Variants in PCGF5 observed in about 807,000 individuals in gnomAD.
PCGF5 encodes polycomb group RING finger protein 5.
A neutral mutation model predicts 44.3 loss-of-function variants in PCGF5; 9 were observed. That is an observed-to-expected ratio of 0.20 (90% confidence interval 0.12 to 0.35). PCGF5 has a LOEUF of 0.35. Ranked by LOEUF, PCGF5 falls within the 10% of genes least tolerant of loss-of-function variation. The probability of loss-of-function intolerance (pLI) is 1.00; values close to 1 mark genes in which losing one functional copy is unlikely to be tolerated. For missense variants in PCGF5, 146 were observed against 305.3 expected, an observed-to-expected ratio of 0.48 and a Z score of 3.89; for synonymous variants, 95 against 102.5, an observed-to-expected ratio of 0.93 and a Z score of 0.44.
intron 8 of PCGF5, among the ~76,000 whole-genome samples, 176 bp downstream of exon 8, chr10:91,264,696 AG>A (rs1435564609): frequency 6.6e-6 from 1 of 152,158 alleles, no homozygotes; most frequent in Non-Finnish European, 1.5e-5. Context: ...TATAAAATCA[AG>A]GTCTGTGGTA....
At chr10:91,203,847 G>A (rs1470867602) in intron 1 of PCGF5, among the ~76,000 whole-genome samples, 6 of 152,084 alleles carry the variant, frequency 3.9e-5, no homozygotes, top group African/African-American at 1.4e-4. Context: ...ATATTTAAAA[G>A]TTTTAAACCT....
Position 91,178,115 on chromosome 10 carries a change from G to A in PCGF5, c.-184+15034G>A, listed in dbSNP as rs1308429162. Among the ~76,000 whole-genome samples the A allele has an allele frequency of 2.6e-5, 4 of 152,274 alleles. No individual in the cohort carries two copies. The East Asian group carries it at 7.7e-4, about 29-fold the overall frequency. ...CTGTACCAAAAGACACAGACAAAAT[G>A]TTGACCCTGGCCATAACTGACTGCA... On this transcript the variant is annotated intron_variant, in intron 1 of 9. Transcript: ENST00000614189.
chr10:91,178,498 C>T (rs1173979806), intron 1 of PCGF5, among the ~76,000 whole-genome samples: 1 of 151,412 alleles, frequency 6.6e-6, no homozygotes, highest in Non-Finnish European at 1.5e-5. Flanking sequence ...CAAGCAATAC[C>T]CCCATCACAG....
intron 1 of PCGF5, among the ~76,000 whole-genome samples, chr10:91,185,937 A>C (rs761108161): frequency 1.3e-5 from 2 of 148,842 alleles, no homozygotes; most frequent in Non-Finnish European, 2.9e-5. Context: ...TGGATGTTTC[A>C]ATTGAAAGTG....
upstream of PCGF5, among the ~76,000 whole-genome samples, chr10:91,158,871 G>A (rs1038247479): frequency 2.6e-5 from 4 of 152,126 alleles, no homozygotes; most frequent in African/African-American, 9.7e-5. Context: ...ATTTAAATTA[G>A]TAAAATTTTA....
chr10:91,186,333 A>C (rs1298369616), intron 1 of PCGF5, among the ~76,000 whole-genome samples: 3 of 152,162 alleles, frequency 2.0e-5, no homozygotes, highest in Admixed American at 6.5e-5. Context: ...TTCATAGCTC[A>C]CTAGTTGTCT....
upstream of PCGF5, among the ~76,000 whole-genome samples, chr10:91,161,553 C>G (rs756502024): frequency 6.6e-6 from 1 of 152,182 alleles, no homozygotes. Context: ...TTACTCTATT[C>G]TCTTTGATCA....
chr10:91,269,298 T>C (rs1846121088), intron 8 of PCGF5, among the ~76,000 whole-genome samples: 1 of 152,230 alleles, frequency 6.6e-6, no homozygotes, highest in African/African-American at 2.4e-5. Flanking sequence ...TATCATCTGA[T>C]CTGTCATCCA....
chr10:91,250,076 C>T (rs1845587986), intron 5 of PCGF5, among the ~76,000 whole-genome samples: 1 of 152,006 alleles, frequency 6.6e-6, no homozygotes, highest in African/African-American at 2.4e-5. Flanking sequence ...TTTTATCTCC[C>T]TTTTCCTATT....
chr10:91,216,157 G>A (rs1409020922), upstream of PCGF5, among the ~76,000 whole-genome samples: 1 of 152,204 alleles, frequency 6.6e-6, no homozygotes, highest in Non-Finnish European at 1.5e-5. Flanking sequence ...GATAATCTAA[G>A]AGTGTGATAT....
rs1180259274 is a variant in PCGF5 at position 91,283,240 on chromosome 10, A to T, written c.*4924A>T. On this transcript the variant is annotated 3_prime_UTR_variant, in exon 10 of 10. Transcript: ENST00000336126. ...TTTCTTTATATTTTCAAATAAAATT[A>T]AAATGCTCGAGCACTTCCTTTCAGA... 1.3e-5 allele frequency: 2 copies of T among 152,238 alleles called. No individual in the cohort carries two copies. The highest frequency in any genetic ancestry group is 4.8e-5 in the African/African-American group (2 of 41,466). The allele number at this position is 152,238 out of a possible 1,614,324, so 9.4% of individuals were successfully genotyped here. A position where few individuals can be genotyped will look rare whatever the true frequency, so the allele number is the denominator to read the frequency against.
At chr10:91,200,612 T>C (rs1264848764) in intron 1 of PCGF5, among the ~76,000 whole-genome samples, 1 of 152,166 alleles carries the variant, frequency 6.6e-6, no homozygotes, top group Non-Finnish European at 1.5e-5. Flanking sequence ...TTTTAAGATA[T>C]TGAGTCTTGA....
rs145675563 is a variant in PCGF5 at position 91,185,834 on chromosome 10, C to T, written c.-184+22753C>T. The stretch of plus-strand genomic sequence containing the variant: ...TGGGCAGGGGAGATTCCCTTGACTC[C>T]GTGTGGCTCCCTGGTGGGCCATCAT... On this transcript the variant is annotated intron_variant, in intron 1 of 9. Transcript: ENST00000614189. Among the ~76,000 whole-genome samples the T allele has an allele frequency of 1.5e-3, 223 of 152,188 alleles. 1 individual carries two copies. The highest frequency in any genetic ancestry group is 4.9e-3 in the African/African-American group (205 of 41,532).
chr10:91,205,852 C>T (rs1564633203), intron 1 of PCGF5, among the ~76,000 whole-genome samples: 1 of 151,882 alleles, frequency 6.6e-6, no homozygotes, highest in African/African-American at 2.4e-5. Context: ...TAGCCAGGCA[C>T]GGTGGTGGAT....
chr10:91,241,975 G>A (rs572197281), intron 3 of PCGF5, among the ~76,000 whole-genome samples: 40 of 152,202 alleles, frequency 2.6e-4, no homozygotes, highest in African/African-American at 9.4e-4. Flanking sequence ...AGATCACTTC[G>A]TTTAGCAAGC....
chr10:91,228,099 G>A, intron 2 of PCGF5: 1 of 253,148 alleles, frequency 4.0e-6, no homozygotes, highest in Non-Finnish European at 6.2e-6. Context: ...GGGTCTTAGG[G>A]AGAGGGAGAG....
At chr10:91,242,465 C>T (rs1845353997) in intron 3 of PCGF5, among the ~76,000 whole-genome samples, 2 of 152,194 alleles carry the variant, frequency 1.3e-5, no homozygotes, top group East Asian at 3.9e-4. Context: ...ATTACCCTCT[C>T]TGTTCTTAAA....
intron 6 of PCGF5, among the ~76,000 whole-genome samples, chr10:91,256,904 G>C (rs1845766224): frequency 6.6e-6 from 1 of 151,940 alleles, no homozygotes; most frequent in Non-Finnish European, 1.5e-5. Flanking sequence ...ATTTGGCAGT[G>C]GATTCTTAGA....
At chr10:91,195,483 TATAGAG>T (rs752636206) in intron 1 of PCGF5, among the ~76,000 whole-genome samples, 3,149 of 102,096 alleles carry the variant, frequency 0.031, 30 homozygotes, top group East Asian at 0.14. Context: ...TATATATATA[TATAGAG>T]AGAGAGAGAG....
Sources: gnomAD v4.1 joint callset for allele counts (sites outside exome capture counted in the v4.1 genomes callset) on GRCh38, gnomAD v4.1.1 for gene constraint, MANE v1.5 for transcripts, NCBI Gene and HGNC (gene_info 2026-07-23, HGNC 2026-07-21) for gene names.